Variants in DDX10 observed in about 807,000 individuals in gnomAD.
DDX10 encodes probable ATP-dependent RNA helicase DDX10.
In DDX10, 74 loss-of-function variants were observed where a neutral mutation model predicts 104.3. That is an observed-to-expected ratio of 0.71 (90% CI 0.59 to 0.86). The LOEUF (loss-of-function observed/expected upper bound fraction) is 0.86. Ranked by LOEUF, DDX10 falls within the 40% of genes least tolerant of loss-of-function variation. The probability of loss-of-function intolerance (pLI) is 0.00; values close to 1 mark genes in which losing one functional copy is unlikely to be tolerated. For missense variants in DDX10, 952 were observed against 1,040.0 expected, an observed-to-expected ratio of 0.92 and a Z score of 1.16; for synonymous variants, 351 against 353.4, an observed-to-expected ratio of 0.99 and a Z score of 0.08.
At chr11:108,877,652 A>G (rs1190547686) in intron 16 of DDX10, among the ~76,000 whole-genome samples, 1 of 152,190 alleles carries the variant, frequency 6.6e-6, no homozygotes, top group Non-Finnish European at 1.5e-5. Context: ...CACTGTCTAC[A>G]TTTGATATGT....
intron 10 of DDX10, among the ~76,000 whole-genome samples, chr11:108,711,397 A>G (rs1305545063): frequency 2.6e-5 from 4 of 152,174 alleles, no homozygotes; most frequent in Non-Finnish European, 5.9e-5. Flanking sequence ...CAGTGGCACG[A>G]TCTCGGCTCA....
chr11:108,826,970 T>C (rs951455366), intron 13 of DDX10, among the ~76,000 whole-genome samples: 1 of 152,248 alleles, frequency 6.6e-6, no homozygotes, highest in Admixed American at 6.5e-5. Flanking sequence ...CAAATTATGA[T>C]GCTACAATCT....
chr11:108,696,269 C>T lies in DDX10; in HGVS notation c.1223+2669C>T, dbSNP rs190749133. Among the ~76,000 whole-genome samples, 60 of 152,218 alleles carry T rather than the reference C, an allele frequency of 3.9e-4. 1 individual carries two copies. In the East Asian group the frequency reaches 0.011, roughly 28 times the overall value. On this transcript the variant is annotated intron_variant, in intron 9 of 17. Coordinates refer to ENST00000322536, the MANE Select transcript of DDX10 (RefSeq NM_004398.4). ...TCAGCTCACTGCAACCTCCGCCTCC[C>T]GGGTTCAAGTGATTCTCCTGCCTCA...
intron 16 of DDX10, among the ~76,000 whole-genome samples, chr11:108,907,129 AT>A (rs1170345041): frequency 6.6e-6 from 1 of 152,124 alleles, no homozygotes; most frequent in Non-Finnish European, 1.5e-5. Flanking sequence ...TGCATGCATT[AT>A]TTATATCACT....
intron 16 of DDX10, among the ~76,000 whole-genome samples, chr11:108,913,170 C>T (rs1473840313): frequency 2.6e-5 from 4 of 152,084 alleles, no homozygotes; most frequent in African/African-American, 9.7e-5. Flanking sequence ...AGGACATGCG[C>T]CCAAGGTGGT....
chr11:108,822,933 G>A (rs897051597), intron 13 of DDX10, among the ~76,000 whole-genome samples: 12 of 152,176 alleles, frequency 7.9e-5, no homozygotes, highest in Non-Finnish European at 1.2e-4. Flanking sequence ...ATATAAGATA[G>A]ATATGGTGTC....
chr11:108,880,484 A>G (rs1863213354), intron 16 of DDX10, among the ~76,000 whole-genome samples: 1 of 152,184 alleles, frequency 6.6e-6, no homozygotes, highest in Non-Finnish European at 1.5e-5. Context: ...ACATCATCTT[A>G]ATCTCTGAAG....
intron 16 of DDX10, among the ~76,000 whole-genome samples, chr11:108,881,867 A>C (rs927362647): frequency 1.3e-5 from 2 of 152,152 alleles, no homozygotes; most frequent in Non-Finnish European, 2.9e-5. Flanking sequence ...ATTTTAGATA[A>C]ATAGTCTATA....
At chr11:108,926,593 A>T (rs558373522) in intron 17 of DDX10, among the ~76,000 whole-genome samples, 1 of 152,332 alleles carries the variant, frequency 6.6e-6, no homozygotes. Flanking sequence ...TTTGTTTTTA[A>T]TACTGAGCAG....
At chr11:108,865,803 T>C (rs1441138914) in intron 16 of DDX10, among the ~76,000 whole-genome samples, 2 of 152,182 alleles carry the variant, frequency 1.3e-5, no homozygotes, top group African/African-American at 4.8e-5. Context: ...AATGCCATGA[T>C]AGAATTAACC....
At chr11:108,891,909 G>A (rs910300886) in intron 16 of DDX10, among the ~76,000 whole-genome samples, 6 of 152,052 alleles carry the variant, frequency 3.9e-5, no homozygotes, top group Non-Finnish European at 7.4e-5. Flanking sequence ...TAGCAAAGAT[G>A]AGTTTCTCAG....
In DDX10 at chr11:108,707,220, A is replaced by G. The variant is rs542095979; in HGVS notation, c.1322+383A>G. Reference sequence around the variant, plus strand: ...GATGCATACCTACCATTTTAATATCATATGGCAGTTTTCACTGCTCTAAAA... The same window carrying G: ...GATGCATACCTACCATTTTAATATCGTATGGCAGTTTTCACTGCTCTAAAA... On this transcript the variant is annotated intron_variant, in intron 10 of 17. Coordinates refer to ENST00000322536, the MANE Select transcript of DDX10 (RefSeq NM_004398.4). Among the ~76,000 whole-genome samples, 5 of 152,222 alleles carry G rather than the reference A, an allele frequency of 3.3e-5. No individual in the cohort carries two copies. In the South Asian group the frequency reaches 1.0e-3, roughly 32 times the overall value.
At chr11:108,791,693 A>G (rs1296146453) in intron 13 of DDX10, among the ~76,000 whole-genome samples, 3 of 152,192 alleles carry the variant, frequency 2.0e-5, no homozygotes, top group African/African-American at 4.8e-5. Context: ...CCTTTTCCAG[A>G]ATGGAAACCT....
intron 17 of DDX10, among the ~76,000 whole-genome samples, chr11:108,924,584 A>G (rs1160923618): frequency 6.6e-6 from 1 of 152,194 alleles, no homozygotes; most frequent in African/African-American, 2.4e-5. Context: ...TCTGTTCCAT[A>G]TTCATTTTTC....
At chr11:108,884,008 C>T (rs1863261467) in intron 16 of DDX10, among the ~76,000 whole-genome samples, 1 of 152,170 alleles carries the variant, frequency 6.6e-6, no homozygotes, top group Admixed American at 6.5e-5. Flanking sequence ...TTCACTTGCT[C>T]CTGGATGATC....
intron 13 of DDX10, among the ~76,000 whole-genome samples, chr11:108,837,848 C>T (rs770422534): frequency 6.6e-6 from 1 of 152,006 alleles, no homozygotes; most frequent in Non-Finnish European, 1.5e-5. Context: ...GTCTCGAACT[C>T]ATGACCTCAG....
intron 13 of DDX10, among the ~76,000 whole-genome samples, chr11:108,733,557 C>G (rs754191800): frequency 6.6e-6 from 1 of 152,182 alleles, no homozygotes; most frequent in African/African-American, 2.4e-5. Context: ...GGTTCACTTA[C>G]TTCCTTGCCT....
At chr11:108,849,298 A>G (rs1862760925) in intron 15 of DDX10, among the ~76,000 whole-genome samples, 1 of 152,110 alleles carries the variant, frequency 6.6e-6, no homozygotes, top group Admixed American at 6.6e-5. Context: ...TCCTTATGTG[A>G]TAGCTGGGGA....
At chr11:108,675,552 T>C in intron 2 of DDX10, 44 bp from the exon 3 acceptor site, 1 of 1,601,620 alleles carries the variant, frequency 6.2e-7, no homozygotes, top group South Asian at 1.1e-5. Context: ...AATACCATCC[T>C]ACAGGGATCT....
Sources: allele counts gnomAD v4.1 joint callset (sites outside exome capture counted in the v4.1 genomes callset), GRCh38; gene constraint gnomAD v4.1.1; transcripts MANE v1.5; gene names NCBI Gene and HGNC (gene_info 2026-07-23, HGNC 2026-07-21).